Variants in NRXN3 observed in about 807,000 individuals in gnomAD.
NRXN3 encodes the protein neurexin III.
NRXN3 carries 32 observed loss-of-function variants against 137.6 expected under a neutral mutation model. That is an observed-to-expected ratio of 0.23 (90% CI 0.18 to 0.31). NRXN3 has a LOEUF of 0.31. Among genes scored for constraint, NRXN3 ranks in the 10% least tolerant of loss-of-function variants. The pLI, the probability that NRXN3 is intolerant of heterozygous loss-of-function variation, is 1.00. For missense variants in NRXN3, 1,574 were observed against 2,062.5 expected (o/e 0.76, Z 4.59); for synonymous variants, 798 against 784.5 (o/e 1.02, Z -0.29).
At chr14:78,879,793 A>G (rs2370876) in intron 10 of NRXN3, among the ~76,000 whole-genome samples, 5,327 of 152,276 alleles carry the variant, frequency 0.035, 157 homozygotes, top group Middle Eastern at 0.054. Flanking sequence ...TGAGAAAAGC[A>G]GGTGAGCCTT....
At chr14:79,537,380 T>C (rs2097221799) in intron 16 of NRXN3, among the ~76,000 whole-genome samples, 2 of 152,172 alleles carry the variant, frequency 1.3e-5, no homozygotes, top group Non-Finnish European at 2.9e-5. Flanking sequence ...CATGTTGGTG[T>C]GCTGCACCCA....
At chr14:78,339,092 G>A (rs1217612154) in intron 4 of NRXN3, among the ~76,000 whole-genome samples, 1 of 152,136 alleles carries the variant, frequency 6.6e-6, no homozygotes, top group African/African-American at 2.4e-5. Flanking sequence ...GACAGATAAG[G>A]GCAAATAGAC....
intron 4 of NRXN3, among the ~76,000 whole-genome samples, chr14:78,620,330 T>C (rs2097389497): frequency 6.6e-6 from 1 of 152,228 alleles, no homozygotes; most frequent in Non-Finnish European, 1.5e-5. Flanking sequence ...GCGCAATCCT[T>C]AGCTGCATGC....
intron 15 of NRXN3, among the ~76,000 whole-genome samples, chr14:79,440,640 A>G (rs2095921753): frequency 6.6e-6 from 1 of 152,178 alleles, no homozygotes. Context: ...AGTGGCCAAT[A>G]CATAAAAGAT....
chr14:79,851,660 C>G (rs546862140), intron 20 of NRXN3, among the ~76,000 whole-genome samples: 1 of 152,104 alleles, frequency 6.6e-6, no homozygotes. Context: ...GGTTCGCCTA[C>G]CTGGGTTTCC....
chr14:78,839,366 T>C (rs1342672147), intron 10 of NRXN3, among the ~76,000 whole-genome samples: 2 of 152,184 alleles, frequency 1.3e-5, no homozygotes. Flanking sequence ...GGTCAGATAA[T>C]GGAGGACACA....
At chr14:79,748,246 T>A (rs2098985670) in intron 19 of NRXN3, among the ~76,000 whole-genome samples, 1 of 151,884 alleles carries the variant, frequency 6.6e-6, no homozygotes, top group African/African-American at 2.4e-5. Context: ...CCAAAAAAAA[T>A]TTTAAAAACT....
intron 20 of NRXN3, among the ~76,000 whole-genome samples, chr14:79,806,962 ATTTTTTTTTTTTTTT>A (rs35028709): frequency 1.1e-4 from 3 of 26,358 alleles, no homozygotes; most frequent in African/African-American, 2.9e-4. Flanking sequence ...ATATATATAT[ATTTTTTTTTTTTTTT>A]TTTTTTTTTT....
At chr14:79,717,308 A>T (rs1409807754) in intron 19 of NRXN3, among the ~76,000 whole-genome samples, 2 of 152,152 alleles carry the variant, frequency 1.3e-5, no homozygotes, top group Non-Finnish European at 2.9e-5. Context: ...TGCCTTTTTG[A>T]TGGAGTAGTC....
At chr14:78,852,404 T>C (rs1177460226) in intron 10 of NRXN3, among the ~76,000 whole-genome samples, 1 of 152,132 alleles carries the variant, frequency 6.6e-6, no homozygotes, top group Non-Finnish European at 1.5e-5. Flanking sequence ...ATGACATGAG[T>C]CTAAGTGGAC....
At chr14:78,585,023 C>T (rs2097047177) in intron 4 of NRXN3, among the ~76,000 whole-genome samples, 1 of 151,200 alleles carries the variant, frequency 6.6e-6, no homozygotes, top group Non-Finnish European at 1.5e-5. Context: ...AGCCCTAGTT[C>T]TCATGGGGTT....
intron 10 of NRXN3, among the ~76,000 whole-genome samples, chr14:78,892,858 G>A (rs2099163239): frequency 1.3e-5 from 2 of 150,880 alleles, no homozygotes; most frequent in South Asian, 4.2e-4. Flanking sequence ...AATTCAGCTG[G>A]GCTTTAGGAA....
At chr14:79,335,024 G>A (rs1171669134) in intron 15 of NRXN3, among the ~76,000 whole-genome samples, 1 of 152,120 alleles carries the variant, frequency 6.6e-6, no homozygotes, top group Non-Finnish European at 1.5e-5. Flanking sequence ...ATTGGGTGTG[G>A]AGGTTACCCA....
At position 78,423,316 on chromosome 14, in the gene NRXN3, A is replaced by G. The variant is rs1025064907; in HGVS notation, c.757+125456A>G. ...ACGCCAAAACTTGCTGCTCATTTTC[A>G]ACCTCTCACCTAATTTTTTTTCTCC... On this transcript the variant is annotated intron_variant, in intron 4 of 20. Transcript: ENST00000335750. 4.6e-5 allele frequency among the ~76,000 whole-genome samples: 7 copies of G among 152,286 alleles called. 1 individual carries two copies. In the Middle Eastern group the frequency reaches 0.014, roughly 296 times the overall value.
intron 20 of NRXN3, among the ~76,000 whole-genome samples, chr14:79,850,860 T>C (rs1050715796): frequency 1.3e-5 from 2 of 152,218 alleles, no homozygotes; most frequent in Non-Finnish European, 2.9e-5. Context: ...GGTTGACTTA[T>C]ATGGTAAAGA....
intron 8 of NRXN3, among the ~76,000 whole-genome samples, chr14:78,788,755 CAA>C (rs2098796721): frequency 6.6e-6 from 1 of 152,178 alleles, no homozygotes; most frequent in Admixed American, 6.5e-5. Flanking sequence ...AAACTTTCAT[CAA>C]ATGGCACAAT....
rs142308189 is a variant in NRXN3, at chr14:79,362,480, G to A, written c.3263-104741G>A. On this transcript the variant is annotated intron_variant, in intron 15 of 20. Coordinates refer to ENST00000335750, the MANE Select transcript of NRXN3 (RefSeq NM_001330195.2). ...AGTTTAATTGTTCAATTATTGGAGG[G>A]AAATAAATATATATTAACCTAAATG... is the stretch of plus-strand genomic sequence containing the variant. Among the ~76,000 whole-genome samples, 955 of 152,108 alleles carry A rather than the reference G, an allele frequency of 6.3e-3. 7 individuals are homozygous for A. The highest frequency in any genetic ancestry group is 0.022 in the African/African-American group (912 of 41,480).
intron 15 of NRXN3, among the ~76,000 whole-genome samples, chr14:79,427,804 C>G (rs1003177830): frequency 1.3e-5 from 2 of 150,984 alleles, no homozygotes; most frequent in African/African-American, 4.9e-5. Context: ...TGCACTCCAG[C>G]CTGGCGACAG....
chr14:78,481,798 C>A (rs2153740646), intron 4 of NRXN3, among the ~76,000 whole-genome samples: 1 of 152,272 alleles, frequency 6.6e-6, no homozygotes, highest in African/African-American at 2.4e-5. Flanking sequence ...TCCCCTCCTA[C>A]AGCCCTCAGA....
Sources: gnomAD v4.1 joint callset for allele counts (sites outside exome capture counted in the v4.1 genomes callset) on GRCh38, gnomAD v4.1.1 for gene constraint, MANE v1.5 for transcripts, NCBI Gene and HGNC (gene_info 2026-07-23, HGNC 2026-07-21) for gene names.